Variants in ANKRD46 observed in about 807,000 individuals in gnomAD.
The protein encoded by ANKRD46 is ankyrin repeat domain 46, also known as ankyrin repeat domain-containing protein 46.
A neutral mutation model predicts 19.8 loss-of-function variants in ANKRD46; 13 were observed. The observed-to-expected ratio is 0.66, with a 90% CI of 0.43 to 1.04. ANKRD46 has a LOEUF of 1.04. Among genes scored for constraint, ANKRD46 ranks in the 50% least tolerant of loss-of-function variants. The probability of loss-of-function intolerance (pLI) is 0.00; values close to 1 mark genes in which losing one functional copy is unlikely to be tolerated. For synonymous variants in ANKRD46, 91 were observed against 106.9 expected, an observed-to-expected ratio of 0.85 and a Z score of 0.92; for missense variants, 185 against 274.8, an observed-to-expected ratio of 0.67 and a Z score of 2.31.
chr8:100,538,378 A>C (rs1227313955), intron 1 of ANKRD46, among the ~76,000 whole-genome samples: 2 of 152,190 alleles, frequency 1.3e-5, no homozygotes, highest in African/African-American at 4.8e-5. Context: ...TCTTGTCATT[A>C]TTCCCTAAAC....
At chr8:100,518,690 A>G (rs1811672971), downstream of ANKRD46, among the ~76,000 whole-genome samples, 1 of 152,052 alleles carries the variant, frequency 6.6e-6, no homozygotes, top group Non-Finnish European at 1.5e-5. Flanking sequence ...TCTCTGCTAA[A>G]AAATACAAAA....
intron 1 of ANKRD46, chr8:100,551,243 G>A (rs1586803201): frequency 2.1e-6 from 1 of 472,748 alleles, no homozygotes; most frequent in Non-Finnish European, 4.0e-6. Context: ...TTGGCCGGGG[G>A]ATTAAGCAGT....
intron 2 of ANKRD46, among the ~76,000 whole-genome samples, chr8:100,530,743 G>A (rs1221536084): frequency 1.3e-5 from 2 of 152,176 alleles, no homozygotes; most frequent in African/African-American, 4.8e-5. Context: ...TTAAAAATCA[G>A]AGCATGAAAT....
At chr8:100,522,845 C>T (rs1187351855) in intron 4 of ANKRD46, 74 bp from the exon 5 acceptor site, 1 of 1,151,654 alleles carries the variant, frequency 8.7e-7, no homozygotes, top group Admixed American at 2.1e-5. Context: ...CACAGGGCTA[C>T]TATTTAGAAA....
chr8:100,558,848 G>T (rs891225330), intron 1 of ANKRD46, among the ~76,000 whole-genome samples: 3 of 152,032 alleles, frequency 2.0e-5, no homozygotes, highest in African/African-American at 7.3e-5. Flanking sequence ...GTTGCTTCAA[G>T]GATTAAAGGT....
chr8:100,520,736 T>G (rs1222732203), downstream of ANKRD46: 1 of 648,990 alleles, frequency 1.5e-6, no homozygotes, highest in Non-Finnish European at 1.8e-6. Flanking sequence ...AAAACTATAA[T>G]ACACTAAAAA....
At chr8:100,535,142 A>G (rs1290532197) in intron 1 of ANKRD46, among the ~76,000 whole-genome samples, 1 of 152,222 alleles carries the variant, frequency 6.6e-6, no homozygotes, top group Admixed American at 6.5e-5. Flanking sequence ...ATGATTTCAT[A>G]ATAATATTAT....
In ANKRD46 at chr8:100,510,241, C is replaced by A; in HGVS notation, c.*336G>T. On this transcript the variant is annotated 3_prime_UTR_variant, in exon 6 of 6. Transcript: ENST00000520552. This position sits in a 1 kb window ranked among gnomAD's most constrained non-coding sequence, Gnocchi z 4.9. ...CCCGCCTGGGAGTTGTCATTTCAGA[C>A]ACCACGGCAGCCTTTTGTTCAAGAT... 1 of 261,702 alleles carries A rather than the reference C, an allele frequency of 3.8e-6. No homozygotes were observed. 16.2% of individuals were successfully genotyped at this position (261,702 alleles called of 1,614,324 possible).
At position 100,510,653 on chromosome 8, in the gene ANKRD46, G is replaced by C; in HGVS notation, c.637-14C>G. 1 of 1,519,188 alleles carries C rather than the reference G, an allele frequency of 6.6e-7. No individual in the cohort carries two copies. The allele number at this position is 1,519,188 out of a possible 1,614,324, so 94.1% of individuals were successfully genotyped here. A position where few individuals can be genotyped will look rare whatever the true frequency, so the allele number is the denominator to read the frequency against. On this transcript the variant is annotated splice_polypyrimidine_tract_variant and intron_variant, in intron 5 of 5. Coordinates refer to the ANKRD46 transcript ENST00000520552. The surrounding 1 kb of genome is among the most constrained non-coding windows in gnomAD (Gnocchi z 4.9). The stretch of plus-strand genomic sequence containing the variant: ...CAGTGTCCTTCTCTGTAAATGTGGG[G>C]AAGACAGATTAAAAAAAAAAAAAAA...
In ANKRD46 at chr8:100,512,346, T is replaced by C. The variant is rs1227410186; in HGVS notation, c.637-1707A>G. ...GGGCAGGGCAGGCCTTGGAAAGGTA[T>C]AGAATTAGAAATAAGATAGGACAGA... On this transcript the variant is annotated intron_variant, in intron 5 of 5. Coordinates refer to the ANKRD46 transcript ENST00000520552. 3.3e-5 allele frequency among the ~76,000 whole-genome samples: 5 copies of C among 152,128 alleles called. No homozygotes were observed. In the South Asian group the frequency reaches 8.3e-4, roughly 25 times the overall value.
rs1811553408 is a variant in ANKRD46 at position 100,511,953 on chromosome 8, T to G, written c.637-1314A>C. ...GTCAGAAGAATTGCTTGAACCCAGG[T>G]GGCGGAGGCTGCGGTGAGCCGAGAT... is the stretch of plus-strand genomic sequence containing the variant. On this transcript the variant is annotated intron_variant, in intron 5 of 5. Coordinates refer to the ANKRD46 transcript ENST00000520552. The surrounding 1 kb of genome is among the most constrained non-coding windows in gnomAD (Gnocchi z 4.1). Among the ~76,000 whole-genome samples, 1 of 152,104 alleles carries G rather than the reference T, an allele frequency of 6.6e-6. No individual in the cohort carries two copies. Among genetic ancestry groups the G allele is most frequent in the Non-Finnish European group, 1.5e-5 (1 of 68,016 alleles).
Position 100,534,743 on chromosome 8 carries a change from C to A in ANKRD46, c.-130-1432G>T, listed in dbSNP as rs1586789955. Among the ~76,000 whole-genome samples, 1 of 152,234 alleles carries A rather than the reference C, an allele frequency of 6.6e-6. No individual in the cohort carries two copies. The highest frequency in any genetic ancestry group is 6.5e-5 in the Admixed American group (1 of 15,298). ...AATAATCCTAATGTTCTCTTAAATC[C>A]ACAAGAAGGACAATGCTTCTGCAAT... On this transcript the variant is annotated intron_variant, in intron 1 of 4. Coordinates refer to ENST00000335659, the MANE Select transcript of ANKRD46 (RefSeq NM_001270377.2). The surrounding 1 kb of genome is among the most constrained non-coding windows in gnomAD (Gnocchi z 4.2).
rs557043435 is a variant in ANKRD46, at chr8:100,515,569, C to G, written c.637-4930G>C. Among the ~76,000 whole-genome samples the G allele has an allele frequency of 2.2e-4, 33 of 148,868 alleles. No individual in the cohort carries two copies. The South Asian group carries it at 6.9e-3, about 31-fold the overall frequency. ...TATTTGGCCTAACTATGAAAGTACACAGAACACAATACTGACACAGTCTAT... is the reference window on the plus strand; with the variant it reads ...TATTTGGCCTAACTATGAAAGTACAGAGAACACAATACTGACACAGTCTAT... On this transcript the variant is annotated intron_variant, in intron 5 of 5. Coordinates refer to the ANKRD46 transcript ENST00000520552.
rs777709087 is a variant in ANKRD46, at chr8:100,529,785, G to T, written c.49C>A (p.Leu17Met). Residue 17 changes from leucine (L) to methionine (M), a missense_variant, in exon 3 of 5, where the codon CTG becomes ATG. By Grantham distance (15) the Leu-to-Met change is conservative. Coordinates refer to ENST00000335659, the MANE Select transcript of ANKRD46 (RefSeq NM_001270377.2). This position sits in a 1 kb window ranked among gnomAD's most constrained non-coding sequence, Gnocchi z 5.8. ...NDSSQTNVPL[L>M]QACIDGDFNY... Reference sequence around the variant, plus strand: ...AAGTCCCCATCAATACAGGCTTGCAGCAAGGGCACGTTAGTCTGAGAAGAA... The same window carrying T: ...AAGTCCCCATCAATACAGGCTTGCATCAAGGGCACGTTAGTCTGAGAAGAA... 6.8e-6 allele frequency: 11 copies of T among 1,614,106 alleles called. No individual in the cohort carries two copies. The highest frequency in any genetic ancestry group is 3.3e-5 in the Admixed American group (2 of 59,994).
chr8:100,522,802 TA>T (rs140128819), intron 4 of ANKRD46, 31 bp from the exon 5 acceptor site: 88 of 1,591,202 alleles, frequency 5.5e-5, no homozygotes, highest in Non-Finnish European at 7.5e-5. Context: ...AAAAGGGCAT[TA>T]AAAAAACACA....
chr8:100,523,086 T>C (rs192597629), intron 4 of ANKRD46, among the ~76,000 whole-genome samples: 78 of 152,108 alleles, frequency 5.1e-4, no homozygotes, highest in Non-Finnish European at 9.0e-4. Flanking sequence ...CCGACACTTT[T>C]GCAGGCCAAG....
downstream of ANKRD46, among the ~76,000 whole-genome samples, chr8:100,517,529 A>G (rs1216719388): frequency 2.0e-5 from 3 of 152,194 alleles, no homozygotes; most frequent in African/African-American, 4.8e-5. Context: ...ACATCTAAGG[A>G]GTGTGGCCAA....
At position 100,543,333 on chromosome 8, in the gene ANKRD46, T is replaced by G. The variant is rs920004234; in HGVS notation, c.-130-10022A>C. ...TCTTATTCTCAATCTCAAAACCATT[T>G]AATATTTTGCGATTTGTTCTATAAC... is the stretch of plus-strand genomic sequence containing the variant. On this transcript the variant is annotated intron_variant, in intron 1 of 4. Coordinates refer to ENST00000335659, the MANE Select transcript of ANKRD46 (RefSeq NM_001270377.2). The surrounding 1 kb of genome is among the most constrained non-coding windows in gnomAD (Gnocchi z 4.2). Among the ~76,000 whole-genome samples the G allele has an allele frequency of 9.8e-5, 15 of 152,328 alleles. No homozygotes were observed. The highest frequency in any genetic ancestry group is 3.1e-4 in the African/African-American group (13 of 41,580).
At chr8:100,548,692 T>C (rs1198918844) in intron 1 of ANKRD46, among the ~76,000 whole-genome samples, 1 of 152,148 alleles carries the variant, frequency 6.6e-6, no homozygotes, top group Non-Finnish European at 1.5e-5. Flanking sequence ...AGTCTTTCAG[T>C]GGAGTCTGGA....
Sources: allele counts gnomAD v4.1 joint callset (sites outside exome capture counted in the v4.1 genomes callset), GRCh38; gene constraint gnomAD v4.1.1; non-coding constraint Gnocchi (gnomAD v3.1); transcripts MANE v1.5; gene names NCBI Gene and HGNC (gene_info 2026-07-23, HGNC 2026-07-21).